The following TRAPPC9 variants were observed in gnomAD, a reference collection of about 807,000 sequenced individuals.
TRAPPC9 encodes the protein trafficking protein particle complex subunit 9, also known as IKK2 binding protein.
In TRAPPC9, 83 loss-of-function variants were observed where a neutral mutation model predicts 124.0. That is an observed-to-expected ratio of 0.67 (90% CI 0.56 to 0.80). The LOEUF is 0.80. Ranked by LOEUF, TRAPPC9 falls within the 30% of genes least tolerant of loss-of-function variation. TRAPPC9 has a pLI of 0.00. For synonymous variants in TRAPPC9, 638 were observed against 617.5 expected (o/e 1.03, Z -0.49); for missense variants, 1,302 against 1,508.3 (o/e 0.86, Z 2.27).
At chr8:139,942,983 G>C (rs76185171) in intron 19 of TRAPPC9, among the ~76,000 whole-genome samples, 5,982 of 152,288 alleles carry the variant, frequency 0.039, 291 homozygotes, top group African/African-American at 0.11. Context: ...CCTGAACCTG[G>C]TGTGCATGGA....
At chr8:140,098,225 T>A (rs184177173) in intron 17 of TRAPPC9, 5 of 149,734 alleles carry the variant, frequency 3.3e-5, no homozygotes, top group Admixed American at 2.0e-4. Flanking sequence ...CGGAGAACAC[T>A]CAGCCTAGAT....
intron 16 of TRAPPC9, among the ~76,000 whole-genome samples, chr8:140,231,916 C>A (rs1157772954): frequency 1.3e-5 from 2 of 152,058 alleles, no homozygotes; most frequent in East Asian, 3.9e-4. Flanking sequence ...ATTATATACT[C>A]ACAACATCAC....
At chr8:139,819,787 G>C (rs1056382908) in intron 21 of TRAPPC9, among the ~76,000 whole-genome samples, 6 of 152,022 alleles carry the variant, frequency 3.9e-5, no homozygotes, top group African/African-American at 1.4e-4. Flanking sequence ...GCCGAGATGG[G>C]TGGATCATGA....
At chr8:139,861,978 T>G (rs1463857882) in intron 21 of TRAPPC9, among the ~76,000 whole-genome samples, 1 of 152,222 alleles carries the variant, frequency 6.6e-6, no homozygotes, top group Admixed American at 6.5e-5. Flanking sequence ...CCAAAGAGCC[T>G]TGGACACAGA....
chr8:140,122,048 T>TCTCTCTCTCTCC (rs2060998882), intron 17 of TRAPPC9, among the ~76,000 whole-genome samples: 1 of 151,586 alleles, frequency 6.6e-6, no homozygotes, highest in Non-Finnish European at 1.5e-5. Flanking sequence ...TCTCTCTCTC[T>TCTCTCTCTCTCC]CTCCCTTTCT....
chr8:140,458,435 T>A, upstream of TRAPPC9: 1 of 1,583,966 alleles, frequency 6.3e-7, no homozygotes, highest in Non-Finnish European at 8.6e-7. Context: ...CGTGGGTGGG[T>A]GACCGTGGCG....
chr8:140,346,253 C>T (rs536510548), intron 9 of TRAPPC9, among the ~76,000 whole-genome samples: 4 of 152,282 alleles, frequency 2.6e-5, no homozygotes, highest in Admixed American at 6.5e-5. Context: ...CCCAGTTGCT[C>T]CATCTCCCCA....
At chr8:140,379,283 G>C (rs2068534927) in intron 7 of TRAPPC9, among the ~76,000 whole-genome samples, 1 of 152,128 alleles carries the variant, frequency 6.6e-6, no homozygotes, top group African/African-American at 2.4e-5. Flanking sequence ...ATGCTGTGCT[G>C]CCTGGGGCCG....
At chr8:140,203,992 C>T (rs537796506) in intron 17 of TRAPPC9, among the ~76,000 whole-genome samples, 2 of 152,178 alleles carry the variant, frequency 1.3e-5, no homozygotes, top group South Asian at 2.1e-4. Flanking sequence ...AAAAGATGGA[C>T]GATGATATGG....
At chr8:140,130,268 T>C (rs1284792349) in intron 17 of TRAPPC9, among the ~76,000 whole-genome samples, 5 of 152,352 alleles carry the variant, frequency 3.3e-5, no homozygotes, top group Admixed American at 2.6e-4. Flanking sequence ...TACATCACTT[T>C]ACAGCACCTT....
intron 18 of TRAPPC9, among the ~76,000 whole-genome samples, chr8:140,022,800 A>G (rs1011263583): frequency 1.3e-5 from 2 of 152,242 alleles, no homozygotes; most frequent in African/African-American, 4.8e-5. Context: ...TACTCTGAGG[A>G]CTGAAAAGGT....
At chr8:140,360,239 A>T in intron 8 of TRAPPC9, 46 bp from the exon 9 acceptor site, 1 of 1,612,724 alleles carries the variant, frequency 6.2e-7, no homozygotes, top group African/African-American at 1.3e-5. Context: ...TGGAGAGGGT[A>T]CAGGAAATAC....
At chr8:140,199,532 CCA>C (rs2131154017) in intron 17 of TRAPPC9, among the ~76,000 whole-genome samples, 1 of 95,706 alleles carries the variant, frequency 1.0e-5, no homozygotes, top group African/African-American at 4.1e-5. Context: ...TTTCTTCCTT[CCA>C]CTGCATCATG....
At chr8:139,765,310 G>A (rs1820511844) in intron 21 of TRAPPC9, among the ~76,000 whole-genome samples, 1 of 152,224 alleles carries the variant, frequency 6.6e-6, no homozygotes, top group South Asian at 2.1e-4. Context: ...CCCACTGAAT[G>A]GGATTCCTAA....
chr8:139,782,261 T>TC (rs1821881334), intron 21 of TRAPPC9, among the ~76,000 whole-genome samples: 1 of 152,040 alleles, frequency 6.6e-6, no homozygotes, highest in Non-Finnish European at 1.5e-5. Context: ...GCACCTGTAG[T>TC]CCCAGCTATT....
At chr8:140,410,576 G>T (rs1260258980) in intron 5 of TRAPPC9, among the ~76,000 whole-genome samples, 1 of 152,192 alleles carries the variant, frequency 6.6e-6, no homozygotes, top group African/African-American at 2.4e-5. Context: ...GGGCGCAGTG[G>T]CTCACGCCTG....
chr8:140,185,853 A>G (rs1201387827), intron 17 of TRAPPC9, among the ~76,000 whole-genome samples: 2 of 152,224 alleles, frequency 1.3e-5, no homozygotes, highest in Non-Finnish European at 2.9e-5. Flanking sequence ...GTAGCTTTAT[A>G]GCAGAGAGGA....
chr8:140,389,842 C>CAAA (rs397971049), intron 7 of TRAPPC9, among the ~76,000 whole-genome samples: 1 of 92,576 alleles, frequency 1.1e-5, no homozygotes, highest in Non-Finnish European at 2.5e-5. Flanking sequence ...CAACAATAAC[C>CAAA]AAAAAAAAAA....
intron 17 of TRAPPC9, among the ~76,000 whole-genome samples, chr8:140,173,908 A>G (rs2062013490): frequency 6.6e-6 from 1 of 152,162 alleles, no homozygotes; most frequent in Admixed American, 6.5e-5. Context: ...AGCTTCTCTG[A>G]GCCTCTGATG....
Sources: gnomAD v4.1 joint callset for allele counts (sites outside exome capture counted in the v4.1 genomes callset) on GRCh38, gnomAD v4.1.1 for gene constraint, MANE v1.5 for transcripts, NCBI Gene and HGNC (gene_info 2026-07-23, HGNC 2026-07-21) for gene names.